LOXL2: variants seen among roughly 807,000 people sequenced by gnomAD.
LOXL2 encodes the protein lysyl oxidase like 2.
A neutral mutation model predicts 93.0 loss-of-function variants in LOXL2; 70 were observed. The ratio of observed to expected loss-of-function variants is 0.75; its 90% CI spans 0.62 to 0.92. The LOEUF is 0.92. Ranked by LOEUF, LOXL2 falls within the 40% of genes least tolerant of loss-of-function variation. LOXL2 has a pLI of 0.00. For missense variants in LOXL2, 973 were observed against 1,054.9 expected (o/e 0.92, Z 1.08); for synonymous variants, 438 against 413.2 (o/e 1.06, Z -0.73).
chr8:23,304,506 G>A (rs922905470), intron 10 of LOXL2, among the ~76,000 whole-genome samples: 1 of 152,168 alleles, frequency 6.6e-6, no homozygotes, highest in African/African-American at 2.4e-5. Flanking sequence ...TTTGGAAAAT[G>A]AGGGAAACTG....
At chr8:23,353,582 T>C (rs1200873241) in intron 3 of LOXL2, among the ~76,000 whole-genome samples, 1 of 152,042 alleles carries the variant, frequency 6.6e-6, no homozygotes, top group Non-Finnish European at 1.5e-5. Flanking sequence ...TACAATAAGA[T>C]ATGATGGCAC....
intron 1 of LOXL2, among the ~76,000 whole-genome samples, chr8:23,397,594 C>T (rs987286471): frequency 6.6e-6 from 1 of 151,852 alleles, no homozygotes; most frequent in Non-Finnish European, 1.5e-5. Flanking sequence ...CTGGCTAACA[C>T]GGTGAAACCC....
Position 23,404,074 on chromosome 8 carries a change from C to T in LOXL2, c.-204G>A. ...AGGGGGCGGCTCTGGTCTCCGATGGCTGGAGAAAGCAAGCACCAAGCGTAG... is the reference window on the plus strand; with the variant it reads ...AGGGGGCGGCTCTGGTCTCCGATGGTTGGAGAAAGCAAGCACCAAGCGTAG... On this transcript the variant is annotated 5_prime_UTR_variant, in exon 1 of 14. Transcript: ENST00000389131. 1 of 212,898 alleles carries T rather than the reference C, an allele frequency of 4.7e-6. No individual in the cohort carries two copies. The highest frequency in any genetic ancestry group is 5.2e-5 in the South Asian group (1 of 19,272). 13.2% of individuals were successfully genotyped at this position (212,898 alleles called of 1,614,324 possible). A position where few individuals can be genotyped will look rare whatever the true frequency, so the allele number is the denominator to read the frequency against.
chr8:23,317,279 G>T (rs562648730), intron 8 of LOXL2, among the ~76,000 whole-genome samples, 165 bp from the exon 9 acceptor site: 43 of 152,206 alleles, frequency 2.8e-4, no homozygotes, highest in Non-Finnish European at 4.6e-4. Context: ...GTTAGTTGGT[G>T]GCAGAGTGAG....
In LOXL2 at chr8:23,308,990, AT is replaced by A. The variant is rs67587130; in HGVS notation, c.1880+677del. 2.6e-4 allele frequency among the ~76,000 whole-genome samples: 35 copies of A among 136,722 alleles called. 1 individual carries two copies. Among genetic ancestry groups the A allele is most frequent in the African/African-American group, 5.3e-4 (19 of 36,132 alleles). 89.7% of individuals were successfully genotyped at this position (136,722 alleles called of 152,430 possible). ...ACGTGGAATATATATATATATATAT[AT>A]TTTTTTTTTTTGAGACAGAGCCTGG... is the stretch of plus-strand genomic sequence containing the variant. On this transcript the variant is annotated intron_variant, in intron 10 of 13. Coordinates refer to ENST00000389131, the MANE Select transcript of LOXL2 (RefSeq NM_002318.3).
At chr8:23,375,742 C>T (rs2117220813) in intron 1 of LOXL2, among the ~76,000 whole-genome samples, 1 of 151,738 alleles carries the variant, frequency 6.6e-6, no homozygotes, top group Middle Eastern at 3.4e-3. Flanking sequence ...ATTTGGCTCT[C>T]TGTTATTGGT....
Position 23,327,246 on chromosome 8 carries a change from A to G in LOXL2, c.1150+1136T>C, listed in dbSNP as rs192235954. Reference sequence around the variant, plus strand: ...CTAGACAGATGAGCTCCACTTCTAGAAGGAGGAAAGCTCTACGGTCTTTGA... The same window carrying G: ...CTAGACAGATGAGCTCCACTTCTAGGAGGAGGAAAGCTCTACGGTCTTTGA... On this transcript the variant is annotated intron_variant, in intron 6 of 13. Coordinates refer to ENST00000389131, the MANE Select transcript of LOXL2 (RefSeq NM_002318.3). 2.1e-3 allele frequency among the ~76,000 whole-genome samples: 315 copies of G among 152,312 alleles called. 2 individuals carry two copies. Among genetic ancestry groups the G allele is most frequent in the African/African-American group, 7.2e-3 (300 of 41,568 alleles).
At chr8:23,374,176 A>G (rs1221845986) in intron 1 of LOXL2, among the ~76,000 whole-genome samples, 1 of 131,400 alleles carries the variant, frequency 7.6e-6, no homozygotes, top group Non-Finnish European at 1.5e-5. Context: ...TTCAATTCCC[A>G]CCTATGAGTG....
At chr8:23,377,842 TGA>T (rs1296451128) in intron 1 of LOXL2, among the ~76,000 whole-genome samples, 1 of 152,178 alleles carries the variant, frequency 6.6e-6, no homozygotes, top group Non-Finnish European at 1.5e-5. Context: ...TCTCTGCACG[TGA>T]GATGGGTCTC....
chr8:23,308,048 G>A (rs185525904), intron 10 of LOXL2, among the ~76,000 whole-genome samples: 26 of 149,818 alleles, frequency 1.7e-4, no homozygotes, highest in Non-Finnish European at 3.1e-4. Context: ...AGACAGGCCC[G>A]AGCCGGGATT....
intron 1 of LOXL2, among the ~76,000 whole-genome samples, chr8:23,397,246 T>A (rs1800102547): frequency 6.6e-6 from 1 of 152,114 alleles, no homozygotes; most frequent in Admixed American, 6.5e-5. Flanking sequence ...GAGTTTCTGT[T>A]TTGGAAGATG....
chr8:23,332,865 T>C (rs1187517905), intron 5 of LOXL2, among the ~76,000 whole-genome samples: 1 of 106,204 alleles, frequency 9.4e-6, no homozygotes, highest in Non-Finnish European at 1.8e-5. Context: ...CACACACTCA[T>C]ACACACGCAC....
chr8:23,376,330 G>T (rs1283159757), intron 1 of LOXL2, among the ~76,000 whole-genome samples: 3 of 152,074 alleles, frequency 2.0e-5, no homozygotes, highest in African/African-American at 7.2e-5. Context: ...GTGCTGCTGG[G>T]TTCAGTTTGT....
chr8:23,325,967 T>C (rs1164236078), intron 6 of LOXL2, among the ~76,000 whole-genome samples: 4 of 152,162 alleles, frequency 2.6e-5, no homozygotes, highest in Non-Finnish European at 5.9e-5. Context: ...GCCCAGAAGG[T>C]TGCTCAAGGT....
intron 1 of LOXL2, among the ~76,000 whole-genome samples, chr8:23,372,493 C>T (rs1804512157): frequency 6.6e-6 from 1 of 152,170 alleles, no homozygotes; most frequent in Admixed American, 6.5e-5. Flanking sequence ...GCTGGGATTA[C>T]AGGTGTGAGC....
intron 5 of LOXL2, among the ~76,000 whole-genome samples, chr8:23,330,878 C>T (rs998146051): frequency 3.3e-5 from 5 of 152,048 alleles, no homozygotes; most frequent in Non-Finnish European, 7.4e-5. Flanking sequence ...CCTGGAGGCA[C>T]ACATATGATG....
chr8:23,308,449 G>A (rs974851231), intron 10 of LOXL2, among the ~76,000 whole-genome samples: 4 of 152,336 alleles, frequency 2.6e-5, no homozygotes, highest in African/African-American at 7.2e-5. Context: ...ATCCAAGTGT[G>A]GAGAAGGGCA....
At chr8:23,340,525 T>C (rs1803865267) in intron 4 of LOXL2, among the ~76,000 whole-genome samples, 1 of 152,352 alleles carries the variant, frequency 6.6e-6, no homozygotes, top group South Asian at 2.1e-4. Context: ...CACGGACCAG[T>C]GTCTCAATTA....
At chr8:23,311,243 G>A (rs1244357220) in intron 9 of LOXL2, among the ~76,000 whole-genome samples, 1 of 152,162 alleles carries the variant, frequency 6.6e-6, no homozygotes, top group African/African-American at 2.4e-5. Context: ...TGATGGAGCT[G>A]GCATCCTCTA....
Sources: gnomAD v4.1 joint callset for allele counts (sites outside exome capture counted in the v4.1 genomes callset) on GRCh38, gnomAD v4.1.1 for gene constraint, MANE v1.5 for transcripts, NCBI Gene and HGNC (gene_info 2026-07-23, HGNC 2026-07-21) for gene names.